Variants in PTPN14 observed in about 807,000 individuals in gnomAD.
PTPN14 encodes protein tyrosine phosphatase non-receptor type 14, also known as tyrosine-protein phosphatase non-receptor type 14.
A neutral mutation model predicts 126.8 loss-of-function variants in PTPN14; 53 were observed. The observed-to-expected ratio is 0.42, with a 90% CI of 0.34 to 0.53. The LOEUF is 0.53. Among genes scored for constraint, PTPN14 ranks in the 20% least tolerant of loss-of-function variants. PTPN14 has a pLI of 0.08. For synonymous variants in PTPN14, 630 were observed against 599.3 expected, an observed-to-expected ratio of 1.05 and a Z score of -0.75; for missense variants, 1,257 against 1,552.9, an observed-to-expected ratio of 0.81 and a Z score of 3.20.
intron 1 of PTPN14, chr1:214,532,827 C>A: frequency 1.1e-6 from 1 of 909,000 alleles, no homozygotes; most frequent in Non-Finnish European, 1.8e-6. Context: ...TGAAGAACCA[C>A]AAAGATGAAC....
At chr1:214,358,709 T>A (rs1571947995) in intron 18 of PTPN14, among the ~76,000 whole-genome samples, 1 of 152,068 alleles carries the variant, frequency 6.6e-6, no homozygotes. Flanking sequence ...AAGCATTTAG[T>A]GCACAGTGAG....
chr1:214,482,467 A>G (rs1459105313), intron 1 of PTPN14, among the ~76,000 whole-genome samples: 1 of 152,226 alleles, frequency 6.6e-6, no homozygotes, highest in East Asian at 1.9e-4. Flanking sequence ...CAAAACACCA[A>G]CATTTTAGGT....
rs775443271 is a variant in PTPN14 at position 214,402,889 on chromosome 1, G to A, written c.575C>T (p.Ala192Val). 6.2e-7 allele frequency: 1 copy of A among 1,613,914 alleles called. No individual in the cohort carries two copies. The highest frequency in any genetic ancestry group is 1.7e-5 in the Admixed American group (1 of 60,002). The change falls in exon 6 of 19, where the codon GCC (alanine) becomes GTC (valine). Residue 192 changes from alanine (A) to valine (V), a missense_variant. Physicochemically the swap from Ala to Val is moderately conservative, Grantham distance 64. This residue lies in a region of PTPN14 where 1,021 missense variants were observed against 1,183.3 expected (regional missense o/e 0.86). Transcript: ENST00000366956. The stretch of plus-strand genomic sequence containing the variant: ...TACCCTCTGCCTGCCTTACCTGTGG[G>A]CTTTGTGTTCTTGGGCTACCTTCTG... Reference protein sequence around the residue: ...LTQKVAQEHKAHSGILPAEAE... With the variant: ...LTQKVAQEHKVHSGILPAEAE...
chr1:214,433,872 T>G (rs552784003), intron 3 of PTPN14, among the ~76,000 whole-genome samples: 2 of 150,148 alleles, frequency 1.3e-5, no homozygotes, highest in East Asian at 3.9e-4. Flanking sequence ...GACGACTGCT[T>G]GAGCCGAGGG....
chr1:214,528,261 A>G (rs956747896), intron 1 of PTPN14: 3 of 152,222 alleles, frequency 2.0e-5, no homozygotes, highest in African/African-American at 7.2e-5. Flanking sequence ...GAAAGAAAAA[A>G]AGACACTATA....
At chr1:214,415,897 C>T (rs1197725120) in intron 3 of PTPN14, among the ~76,000 whole-genome samples, 2 of 152,114 alleles carry the variant, frequency 1.3e-5, no homozygotes, top group African/African-American at 4.8e-5. Context: ...TTTAGTCAAA[C>T]CTAATATGGG....
chr1:214,504,760 G>T (rs1261050998), intron 1 of PTPN14, among the ~76,000 whole-genome samples: 1 of 152,114 alleles, frequency 6.6e-6, no homozygotes, highest in Non-Finnish European at 1.5e-5. Context: ...GATAAGGGCT[G>T]GGTACAGAAT....
chr1:214,488,307 C>T (rs1208800230), intron 1 of PTPN14, among the ~76,000 whole-genome samples: 1 of 152,162 alleles, frequency 6.6e-6, no homozygotes, highest in Non-Finnish European at 1.5e-5. Flanking sequence ...TTATCACGTA[C>T]CTTGTAGGGG....
At chr1:214,371,734 CTT>C (rs1658223081) in intron 16 of PTPN14, among the ~76,000 whole-genome samples, 2 of 152,142 alleles carry the variant, frequency 1.3e-5, no homozygotes, top group South Asian at 4.2e-4. Context: ...GATTCATTCT[CTT>C]TGTGGGAAGG....
intron 1 of PTPN14, among the ~76,000 whole-genome samples, chr1:214,471,290 T>C (rs373629832): frequency 6.6e-6 from 1 of 152,160 alleles, no homozygotes; most frequent in Non-Finnish European, 1.5e-5. Context: ...TGAGGGGTTC[T>C]AAGAACCAAG....
intron 3 of PTPN14, among the ~76,000 whole-genome samples, chr1:214,438,790 G>T (rs1052543263): frequency 6.6e-6 from 1 of 152,208 alleles, no homozygotes; most frequent in African/African-American, 2.4e-5. Flanking sequence ...TACCAGCACA[G>T]CTCTCTGAGG....
intron 13 of PTPN14, among the ~76,000 whole-genome samples, chr1:214,381,916 T>C (rs890653835): frequency 1.3e-5 from 2 of 152,154 alleles, no homozygotes; most frequent in Non-Finnish European, 1.5e-5. Flanking sequence ...TTTTTTTTTG[T>C]TTTTCTGAGA....
intron 8 of PTPN14, among the ~76,000 whole-genome samples, chr1:214,395,922 A>G (rs1658867998): frequency 6.6e-6 from 1 of 151,626 alleles, no homozygotes; most frequent in Non-Finnish European, 1.5e-5. Context: ...ATATCCCCCT[A>G]CCCACACGTG....
Position 214,395,611 on chromosome 1 carries a change from A to G in PTPN14, c.759-625T>C, listed in dbSNP as rs1374874592. On this transcript the variant is annotated intron_variant, in intron 8 of 18. Transcript: ENST00000366956. ...ACAACACACACACACACACACACACACACACACACACACACACACACACAG... is the reference window on the plus strand; with the variant it reads ...ACAACACACACACACACACACACACGCACACACACACACACACACACACAG... 3.3e-5 allele frequency among the ~76,000 whole-genome samples: 5 copies of G among 151,300 alleles called. No homozygotes were observed. The East Asian group carries it at 9.7e-4, about 29-fold the overall frequency.
chr1:214,472,584 G>A (rs1347248576), intron 1 of PTPN14, among the ~76,000 whole-genome samples: 3 of 152,162 alleles, frequency 2.0e-5, no homozygotes, highest in African/African-American at 4.8e-5. Context: ...CATTAAGGCA[G>A]GGCAGGAGTC....
intron 1 of PTPN14, among the ~76,000 whole-genome samples, chr1:214,495,005 G>A (rs527311779): frequency 6.6e-6 from 1 of 152,298 alleles, no homozygotes; most frequent in South Asian, 2.1e-4. Context: ...AGAAGCAACT[G>A]TCTGAGAACT....
chr1:214,454,597 C>T (rs540051901), intron 2 of PTPN14, among the ~76,000 whole-genome samples: 16 of 152,092 alleles, frequency 1.1e-4, no homozygotes, highest in Non-Finnish European at 1.9e-4. Flanking sequence ...TGTGCATACA[C>T]ACATATGGAT....
intron 13 of PTPN14, among the ~76,000 whole-genome samples, chr1:214,379,879 G>A (rs1402763905): frequency 6.6e-6 from 1 of 152,192 alleles, no homozygotes; most frequent in East Asian, 1.9e-4. Context: ...ACCACCTTGG[G>A]CACATGTCAT....
intron 3 of PTPN14, among the ~76,000 whole-genome samples, chr1:214,425,846 T>C (rs1394167259): frequency 1.3e-5 from 2 of 151,916 alleles, no homozygotes; most frequent in African/African-American, 4.8e-5. Context: ...ATATTTCCTG[T>C]CATTTAATAT....
Sources: gnomAD v4.1 joint callset for allele counts (sites outside exome capture counted in the v4.1 genomes callset) on GRCh38, gnomAD v4.1.1 for gene constraint, gnomAD v4.1.1 regional missense constraint, MANE v1.5 for transcripts, NCBI Gene and HGNC (gene_info 2026-07-23, HGNC 2026-07-21) for gene names.